OPN3: variants seen among roughly 807,000 people sequenced by gnomAD.
OPN3 encodes opsin-3.
OPN3 carries 29 observed loss-of-function variants against 33.8 expected under a neutral mutation model. The observed-to-expected ratio is 0.86, with a 90% CI of 0.64 to 1.17. The LOEUF is 1.17. OPN3 is among the 50% of genes most tolerant of loss of function. OPN3 has a pLI of 0.00. For missense variants in OPN3, 437 were observed against 514.1 expected (o/e 0.85, Z 1.45); for synonymous variants, 216 against 216.1 (o/e 1.00, Z 0.00).
rs536794506 is a variant in OPN3, at chr1:241,638,659, T to C, written c.373+1223A>G. On this transcript the variant is annotated intron_variant, in intron 1 of 3. Coordinates refer to ENST00000366554, the MANE Select transcript of OPN3 (RefSeq NM_014322.3). The stretch of plus-strand genomic sequence containing the variant: ...GTCCCCTCCCTAAATTTCAAATGTT[T>C]GTTCAAATGAAATTATCAGATTAAA... Among the ~76,000 whole-genome samples the C allele has an allele frequency of 9.2e-5, 14 of 152,246 alleles. No individual in the cohort carries two copies. In the South Asian group the frequency reaches 2.9e-3, roughly 32 times the overall value.
chr1:241,593,579 G>C lies in OPN3; in HGVS notation c.*849C>G. The C allele has an allele frequency of 4.3e-6, 1 of 233,586 alleles. No individual in the cohort carries two copies. The highest frequency in any genetic ancestry group is 5.3e-5 in the South Asian group (1 of 18,876). 14.5% of individuals were successfully genotyped at this position (233,586 alleles called of 1,614,324 possible). A position where few individuals can be genotyped will look rare whatever the true frequency, so the allele number is the denominator to read the frequency against. On this transcript the variant is annotated 3_prime_UTR_variant, in exon 4 of 4. Transcript: ENST00000366554. ...CTACCCACTTTAGGTTCCTTGGCTG[G>C]GGCCCCTATAACAAAAGACAGATTG...
At chr1:241,617,141 G>C (rs950164010) in intron 1 of OPN3, among the ~76,000 whole-genome samples, 3 of 152,150 alleles carry the variant, frequency 2.0e-5, no homozygotes, top group Non-Finnish European at 2.9e-5. Context: ...CATTTGATGA[G>C]AGTGTGAGAA....
chr1:241,637,328 C>T (rs1377890905), intron 1 of OPN3, among the ~76,000 whole-genome samples: 2 of 152,176 alleles, frequency 1.3e-5, no homozygotes, highest in African/African-American at 4.8e-5. Flanking sequence ...AAATGGCAAT[C>T]CTAACAGTCC....
At chr1:241,635,105 TGA>T in intron 1 of OPN3, 2 of 1,612,714 alleles carry the variant, frequency 1.2e-6, no homozygotes, top group South Asian at 2.2e-5. Flanking sequence ...TTTAACTATT[TGA>T]GAGTAAGTAA....
chr1:241,620,744 C>T (rs1664251476), intron 1 of OPN3, among the ~76,000 whole-genome samples: 1 of 151,980 alleles, frequency 6.6e-6, no homozygotes. Context: ...TTATATTTTT[C>T]TCATACGAAG....
intron 1 of OPN3, 127 bp downstream of exon 1, chr1:241,639,755 G>C: frequency 1.0e-6 from 1 of 986,116 alleles, no homozygotes; most frequent in Non-Finnish European, 1.4e-6. Context: ...GGCGGTGTAG[G>C]GCGGGGGGCG....
intron 1 of OPN3, chr1:241,630,639 A>T (rs1448422792): frequency 2.6e-5 from 4 of 152,088 alleles, no homozygotes; most frequent in East Asian, 1.9e-4. Flanking sequence ...AACCATATAT[A>T]AAAATAGTGC....
chr1:241,606,104 A>G (rs630488), intron 1 of OPN3, among the ~76,000 whole-genome samples: 94,867 of 152,044 alleles, frequency 0.62, 30,809 homozygotes, highest in East Asian at 0.89. Flanking sequence ...AACAGCAGGC[A>G]AGACATGATG....
rs747878290 is a variant in OPN3, at chr1:241,604,387, G to A, written c.566C>T (p.Thr189Ile). The A allele has an allele frequency of 6.2e-7, 1 of 1,614,202 alleles. No homozygotes were observed. Among genetic ancestry groups the A allele is most frequent in the Non-Finnish European group, 8.5e-7 (1 of 1,180,042 alleles). ...GGCATCCTTGGATTTCCAGTCCACA[G>A]TGCAGCCTAGTCCGTGTACGTCCAG... ...YILDVHGLGCTVDWKSKDAND... is the reference protein window; with the variant it reads ...YILDVHGLGCIVDWKSKDAND... Residue 189 changes from threonine (T) to isoleucine (I), a missense_variant, in exon 2 of 4, where the codon ACT becomes ATT. By Grantham distance (89) the Thr-to-Ile change is moderately conservative. Transcript: ENST00000366554.
At chr1:241,614,589 G>A (rs185606633) in intron 1 of OPN3, among the ~76,000 whole-genome samples, 3 of 152,332 alleles carry the variant, frequency 2.0e-5, no homozygotes, top group Admixed American at 1.3e-4. Flanking sequence ...CTTGGAAATC[G>A]TGCCAGGCTT....
At chr1:241,609,797 T>C (rs1042558051) in intron 1 of OPN3, among the ~76,000 whole-genome samples, 11 of 152,274 alleles carry the variant, frequency 7.2e-5, no homozygotes, top group African/African-American at 2.4e-4. Flanking sequence ...CCTCCTTGAA[T>C]TATTGCAAGA....
rs1015394225 is a variant in OPN3, at chr1:241,602,657, T to G, written c.693+1603A>C. Reference sequence around the variant, plus strand: ...AGAGACAGAGAGAGAGAGATAGAGATAGAGAGAGAGAGAGAAAGAGCAAGC... The same window carrying G: ...AGAGACAGAGAGAGAGAGATAGAGAGAGAGAGAGAGAGAGAAAGAGCAAGC... On this transcript the variant is annotated intron_variant, in intron 2 of 3. Transcript: ENST00000366554. Among the ~76,000 whole-genome samples, 8 of 149,742 alleles carry G rather than the reference T, an allele frequency of 5.3e-5. No homozygotes were observed. The East Asian group carries it at 7.9e-4, about 15-fold the overall frequency.
chr1:241,631,053 A>G (rs1664615813), intron 1 of OPN3: 1 of 152,018 alleles, frequency 6.6e-6, no homozygotes, highest in Admixed American at 6.5e-5. Flanking sequence ...TGATACATGG[A>G]TAGACATTAT....
chr1:241,629,961 C>T (rs930554602), intron 1 of OPN3: 8 of 152,108 alleles, frequency 5.3e-5, no homozygotes, highest in African/African-American at 1.9e-4. Flanking sequence ...TGCTTGCTTT[C>T]CTAAATAATT....
At chr1:241,595,904 C>T (rs1028179135) in intron 3 of OPN3, among the ~76,000 whole-genome samples, 1 of 146,902 alleles carries the variant, frequency 6.8e-6, no homozygotes, top group South Asian at 2.1e-4. Context: ...TGCCAAAAAA[C>T]GTTTTTCCAT....
chr1:241,635,984 T>C, intron 1 of OPN3: 1 of 509,966 alleles, frequency 2.0e-6, no homozygotes. Flanking sequence ...CTGAGAATAC[T>C]AAAATGGATG....
chr1:241,629,846 C>T lies in OPN3; in HGVS notation c.373+10036G>A, dbSNP rs1028990219. On this transcript the variant is annotated intron_variant, in intron 1 of 3. Coordinates refer to ENST00000366554, the MANE Select transcript of OPN3 (RefSeq NM_014322.3). Reference sequence around the variant, plus strand: ...TTATTAATTTCAGTTAAACTTTCTACTTGGCACCACAGAATATTCAGAAAG... The same window carrying T: ...TTATTAATTTCAGTTAAACTTTCTATTTGGCACCACAGAATATTCAGAAAG... 5.9e-5 allele frequency: 9 copies of T among 152,024 alleles called. 1 individual carries two copies. Among genetic ancestry groups the T allele is most frequent in the Admixed American group, 5.2e-4 (8 of 15,280 alleles). The allele number at this position is 152,024 out of a possible 1,614,324, so 9.4% of individuals were successfully genotyped here.
At chr1:241,634,532 T>C (rs1211572492) in intron 1 of OPN3, 11 of 1,613,868 alleles carry the variant, frequency 6.8e-6, no homozygotes, top group South Asian at 1.1e-5. Context: ...AGATTCTTTG[T>C]CGACTACAAA....
chr1:241,611,200 A>G (rs1478317980), intron 1 of OPN3, among the ~76,000 whole-genome samples: 1 of 152,196 alleles, frequency 6.6e-6, no homozygotes, highest in African/African-American at 2.4e-5. Context: ...AGATGGCCAC[A>G]TTGAATAGCT....
Sources: gnomAD v4.1 joint callset for allele counts (sites outside exome capture counted in the v4.1 genomes callset) on GRCh38, gnomAD v4.1.1 for gene constraint, MANE v1.5 for transcripts, NCBI Gene and HGNC (gene_info 2026-07-23, HGNC 2026-07-21) for gene names.